CFAP206: variants seen among roughly 807,000 people sequenced by gnomAD.
CFAP206 encodes cilia and flagella associated protein 206.
Under a neutral mutation model 65.4 loss-of-function variants are expected in CFAP206, and 53 were observed. The observed-to-expected ratio is 0.81, with a 90% CI of 0.65 to 1.02. CFAP206 has a LOEUF of 1.02. Among genes scored for constraint, CFAP206 ranks in the 50% least tolerant of loss-of-function variants. The probability of loss-of-function intolerance (pLI) is 0.00; values close to 1 mark genes in which losing one functional copy is unlikely to be tolerated. For missense variants in CFAP206, 663 were observed against 753.2 expected (o/e 0.88, Z 1.40); for synonymous variants, 250 against 254.4 (o/e 0.98, Z 0.17).
At chr6:87,463,295 A>C (rs551210308) in intron 12 of CFAP206, among the ~76,000 whole-genome samples, 1 of 152,334 alleles carries the variant, frequency 6.6e-6, no homozygotes, top group South Asian at 2.1e-4. Context: ...AGTCATATTA[A>C]TGTGGACAAT....
intron 3 of CFAP206, among the ~76,000 whole-genome samples, chr6:87,412,551 T>C (rs1003775958): frequency 6.6e-6 from 1 of 152,118 alleles, no homozygotes; most frequent in Admixed American, 6.6e-5. Flanking sequence ...TGGGGGCTCA[T>C]AGGAGAAAAC....
intron 11 of CFAP206, among the ~76,000 whole-genome samples, chr6:87,437,343 C>A (rs927174743): frequency 2.6e-5 from 4 of 151,816 alleles, no homozygotes; most frequent in Admixed American, 6.6e-5. Context: ...TCAGGTTTCC[C>A]CTTCTGTACA....
chr6:87,443,963 A>G (rs1486873625), intron 11 of CFAP206, among the ~76,000 whole-genome samples: 2 of 151,966 alleles, frequency 1.3e-5, no homozygotes, highest in South Asian at 2.1e-4. Context: ...AAACATAGCT[A>G]TTTTCATCAT....
intron 8 of CFAP206, 84 bp from the exon 9 acceptor site, chr6:87,428,542 A>G: frequency 7.7e-7 from 1 of 1,295,952 alleles, no homozygotes; most frequent in South Asian, 1.2e-5. Flanking sequence ...TTTACAAATG[A>G]CAATTGTATT....
At chr6:87,434,826 G>C (rs1319456298) in intron 10 of CFAP206, 34 bp from the exon 11 acceptor site, 1 of 1,137,130 alleles carries the variant, frequency 8.8e-7, no homozygotes, top group Non-Finnish European at 1.2e-6. Flanking sequence ...AAGTGATCAA[G>C]ACATTTCATA....
intron 11 of CFAP206, among the ~76,000 whole-genome samples, chr6:87,455,388 C>T (rs1419651961): frequency 1.3e-5 from 2 of 152,012 alleles, no homozygotes; most frequent in African/African-American, 4.8e-5. Flanking sequence ...TAACTATCTA[C>T]ATGAAAACAG....
Position 87,455,831 on chromosome 6 carries a change from A to C in CFAP206, c.1495-5191A>C, listed in dbSNP as rs562851980. On this transcript the variant is annotated intron_variant, in intron 11 of 12. Coordinates refer to ENST00000369562, the MANE Select transcript of CFAP206 (RefSeq NM_001031743.3). ...ATGAAGAAATACAAAACCTGAATAGATCAATAACAAGTAAGGAGATGAAAC... is the reference window on the plus strand; with the variant it reads ...ATGAAGAAATACAAAACCTGAATAGCTCAATAACAAGTAAGGAGATGAAAC... 6.5e-4 allele frequency among the ~76,000 whole-genome samples: 99 copies of C among 152,344 alleles called. 1 individual carries two copies. The highest frequency in any genetic ancestry group is 2.4e-3 in the African/African-American group (98 of 41,574).
intron 11 of CFAP206, among the ~76,000 whole-genome samples, chr6:87,445,734 G>T (rs1489822444): frequency 6.6e-6 from 1 of 152,124 alleles, no homozygotes; most frequent in Non-Finnish European, 1.5e-5. Flanking sequence ...TAATAGGATT[G>T]CTGAGTCAAA....
intron 11 of CFAP206, among the ~76,000 whole-genome samples, chr6:87,439,907 A>G (rs939033682): frequency 6.6e-6 from 1 of 152,136 alleles, no homozygotes; most frequent in Non-Finnish European, 1.5e-5. Context: ...GATATCTTCA[A>G]TAGCTTTATA....
intron 8 of CFAP206, 66 bp downstream of exon 8, chr6:87,426,711 G>A (rs1451516036): frequency 2.3e-5 from 27 of 1,182,642 alleles, no homozygotes; most frequent in East Asian, 8.5e-5. Context: ...ATATTGGATC[G>A]CAAGTCATTA....
At chr6:87,420,168 T>TA (rs1381534104) in intron 7 of CFAP206, among the ~76,000 whole-genome samples, 1 of 152,238 alleles carries the variant, frequency 6.6e-6, no homozygotes, top group Non-Finnish European at 1.5e-5. Context: ...CTATCAGCCT[T>TA]ATGTTAACTA....
intron 6 of CFAP206, among the ~76,000 whole-genome samples, chr6:87,417,715 T>C (rs1767857017): frequency 6.6e-6 from 1 of 151,844 alleles, no homozygotes. Context: ...AACTGGGTTA[T>C]CATTCTGTTA....
At chr6:87,420,873 A>G (rs75292215) in intron 7 of CFAP206, among the ~76,000 whole-genome samples, 6,140 of 152,182 alleles carry the variant, frequency 0.04, 416 homozygotes, top group African/African-American at 0.14. Flanking sequence ...GATCAGGATG[A>G]GTTTTCTTAA....
At chr6:87,409,729 G>T in intron 1 of CFAP206, 106 bp from the exon 2 acceptor site, 1 of 682,760 alleles carries the variant, frequency 1.5e-6, no homozygotes, top group Non-Finnish European at 2.5e-6. Context: ...GCTAATAGAT[G>T]ATATTATGAC....
At chr6:87,414,836 A>G (rs1031341235) in intron 4 of CFAP206, among the ~76,000 whole-genome samples, 1 of 152,156 alleles carries the variant, frequency 6.6e-6, no homozygotes, top group Non-Finnish European at 1.5e-5. Context: ...GTTTTTGCTT[A>G]ATAGTGAAAT....
chr6:87,410,941 A>T (rs1393307195), intron 3 of CFAP206, among the ~76,000 whole-genome samples: 3 of 152,254 alleles, frequency 2.0e-5, no homozygotes, highest in African/African-American at 7.2e-5. Flanking sequence ...GACAAAGGGC[A>T]AAATATGTGT....
At chr6:87,434,320 C>T (rs1404653923) in intron 10 of CFAP206, among the ~76,000 whole-genome samples, 1 of 151,294 alleles carries the variant, frequency 6.6e-6, no homozygotes, top group East Asian at 2.0e-4. Context: ...CTCTTGAGCC[C>T]GGGATGTTGA....
chr6:87,413,405 G>C (rs1009202665), intron 3 of CFAP206, among the ~76,000 whole-genome samples: 2 of 152,122 alleles, frequency 1.3e-5, no homozygotes, highest in Admixed American at 6.5e-5. Flanking sequence ...ACTTATAAGT[G>C]GGAGCTCAAT....
chr6:87,442,003 G>C, intron 11 of CFAP206: 1 of 241,280 alleles, frequency 4.1e-6, no homozygotes, highest in South Asian at 6.2e-5. Flanking sequence ...ACTTATGATG[G>C]AAAATTGCAG....
Sources: allele counts gnomAD v4.1 joint callset (sites outside exome capture counted in the v4.1 genomes callset), GRCh38; gene constraint gnomAD v4.1.1; transcripts MANE v1.5; gene names NCBI Gene and HGNC (gene_info 2026-07-23, HGNC 2026-07-21).